Variants in CCDC171 observed in about 807,000 individuals in gnomAD.
CCDC171 encodes the protein coiled-coil domain containing 171, also known as coiled-coil domain-containing protein 171.
A neutral mutation model predicts 168.2 loss-of-function variants in CCDC171; 177 were observed. The ratio of observed to expected loss-of-function variants is 1.05; its 90% CI spans 0.93 to 1.19. The LOEUF (loss-of-function observed/expected upper bound fraction) is 1.19. CCDC171 is among the 50% of genes most tolerant of loss of function. The pLI is 0.00. For synonymous variants in CCDC171, 687 were observed against 540.8 expected (o/e 1.27, Z -3.75); for missense variants, 1,991 against 1,539.0 (o/e 1.29, Z -4.91).
At chr9:16,054,930 C>T (rs1833812364) in intron 1 of CCDC171, among the ~76,000 whole-genome samples, 1 of 152,156 alleles carries the variant, frequency 6.6e-6, no homozygotes, top group Admixed American at 6.5e-5. Flanking sequence ...GTGGAACTAC[C>T]TTGGTGAGAA....
At chr9:15,712,164 A>G (rs1206442979) in intron 11 of CCDC171, among the ~76,000 whole-genome samples, 1 of 152,200 alleles carries the variant, frequency 6.6e-6, no homozygotes, top group Non-Finnish European at 1.5e-5. Context: ...CCTTCAACAG[A>G]TTGGATGAAG....
rs779921721 is a variant in CCDC171 at position 15,784,512 on chromosome 9, T to C, written c.3085T>C (p.Leu1029=). The C allele has an allele frequency of 1.2e-6, 2 of 1,607,770 alleles. No individual in the cohort carries two copies. The highest frequency in any genetic ancestry group is 1.7e-6 in the Non-Finnish European group (2 of 1,175,940). The change falls in exon 21 of 26, where the codon TTG becomes CTG. Residue 1029 remains leucine, a synonymous_variant. Transcript: ENST00000380701. ...TCCCCTCTCCTCCTTTTTACAGAAA[T>C]TGATCACCCATGAGAAGTTTGAAAG... The part of the protein sequence containing the change: ...MQLNEFKQSK[L]ITHEKFESAC...
chr9:15,555,856 C>T (rs1248291693), intron 1 of CCDC171, among the ~76,000 whole-genome samples: 1 of 152,044 alleles, frequency 6.6e-6, no homozygotes, highest in Non-Finnish European at 1.5e-5. Context: ...CTGCCAGGCC[C>T]CGGTGTGTGA....
chr9:15,678,829 T>C lies in CCDC171; in HGVS notation c.1148T>C (p.Ile383Thr). The C allele has an allele frequency of 1.9e-6, 3 of 1,597,048 alleles. No homozygotes were observed. Among genetic ancestry groups the C allele is most frequent in the Non-Finnish European group, 2.6e-6 (3 of 1,171,338 alleles). ...EDIEEQKKVI[I>T]DLSKRLQYNE... ...ATCGAGGAACAGAAGAAAGTAATTA[T>C]AGACCTTTCAAAGAGACTCCAGTAT... is the stretch of plus-strand genomic sequence containing the variant. Residue 383 changes from isoleucine to threonine, a missense_variant, in exon 10 of 26, where the codon ATA becomes ACA. Coordinates refer to ENST00000380701, the MANE Select transcript of CCDC171 (RefSeq NM_173550.4).
Position 15,784,633 on chromosome 9 carries a change from A to G in CCDC171, c.3206A>G (p.Lys1069Arg), listed in dbSNP as rs1539172. 793,092 of 1,610,944 alleles carry G rather than the reference A, an allele frequency of 0.49. 197,617 individuals are homozygous for G. The highest frequency in any genetic ancestry group is 0.56 in the South Asian group (50,869 of 90,942). Residue 1069 changes from lysine to arginine, a missense_variant, in exon 21 of 26, where the codon AAA becomes AGA. By Grantham distance (26) the Lys-to-Arg change is conservative. Coordinates refer to ENST00000380701, the MANE Select transcript of CCDC171 (RefSeq NM_173550.4). ...CAACAACTACAGGAATTGAATTATA[A>G]ACTTGAATTGCACTCCAGTGAGGAA... ...QAQQLQELNY[K>R]LELHSSEEAD...
chr9:15,606,673 ATGT>A (rs1435647848), intron 6 of CCDC171, among the ~76,000 whole-genome samples: 3 of 152,214 alleles, frequency 2.0e-5, no homozygotes, highest in East Asian at 3.8e-4. Context: ...ATTCTGAGAA[ATGT>A]TGTTTATATG....
chr9:16,029,513 G>C (rs1564127247), intron 6 of CCDC171, among the ~76,000 whole-genome samples: 1 of 152,220 alleles, frequency 6.6e-6, no homozygotes, highest in Non-Finnish European at 1.5e-5. Context: ...TGATTAGGAT[G>C]GTCTGCTAAG....
At chr9:16,103,857 G>A in the CCDC171 span, among the ~76,000 whole-genome samples, 1 of 152,286 alleles carries the variant, frequency 6.6e-6, no homozygotes, top group South Asian at 2.1e-4. Flanking sequence ...GAGAGTCAGA[G>A]AAATTTGGGG....
At chr9:15,890,230 T>C (rs1207994286) in intron 24 of CCDC171, among the ~76,000 whole-genome samples, 2 of 151,936 alleles carry the variant, frequency 1.3e-5, no homozygotes, top group Non-Finnish European at 2.9e-5. Flanking sequence ...TGATATGAAA[T>C]GAAAGACATG....
At chr9:15,807,934 C>A (rs2059154011) in intron 21 of CCDC171, among the ~76,000 whole-genome samples, 2 of 151,500 alleles carry the variant, frequency 1.3e-5, no homozygotes, top group Non-Finnish European at 2.9e-5. Context: ...ATTTCTTTCT[C>A]TTATTAGGTT....
At chr9:15,639,159 A>G (rs778019611) in intron 7 of CCDC171, among the ~76,000 whole-genome samples, 64 of 152,058 alleles carry the variant, frequency 4.2e-4, no homozygotes, top group African/African-American at 1.4e-3. Flanking sequence ...GTTGATAAAG[A>G]CCACCTTGTA....
intron 9 of CCDC171, among the ~76,000 whole-genome samples, chr9:15,677,985 C>G (rs536081523): frequency 1.4e-5 from 2 of 139,072 alleles, no homozygotes; most frequent in East Asian, 4.5e-4. Flanking sequence ...TCATAGCTCA[C>G]TGCAACCTTG....
chr9:15,740,714 A>G (rs1386544918), intron 16 of CCDC171, among the ~76,000 whole-genome samples: 1 of 152,204 alleles, frequency 6.6e-6, no homozygotes, highest in Non-Finnish European at 1.5e-5. Flanking sequence ...TGCTGGGATT[A>G]CAGGCATGAG....
At chr9:15,774,866 A>G (rs568011482) in intron 18 of CCDC171, among the ~76,000 whole-genome samples, 3 of 152,364 alleles carry the variant, frequency 2.0e-5, no homozygotes, top group African/African-American at 7.2e-5. Flanking sequence ...GGAAAACCAA[A>G]CATGGTATGT....
At chr9:15,857,055 TTA>T (rs1328990472) in intron 23 of CCDC171, among the ~76,000 whole-genome samples, 1 of 151,938 alleles carries the variant, frequency 6.6e-6, no homozygotes, top group East Asian at 1.9e-4. Flanking sequence ...TAAAATGAGG[TTA>T]TTAGTTTCTT....
intron 8 of CCDC171, among the ~76,000 whole-genome samples, chr9:16,036,500 T>A (rs1278648191): frequency 2.6e-5 from 4 of 152,078 alleles, no homozygotes; most frequent in Non-Finnish European, 5.9e-5. Flanking sequence ...AAAAATTAGC[T>A]GGGCGTGGTG....
chr9:15,745,624 T>G lies in CCDC171; in HGVS notation c.2664T>G (p.Gly888=). 1 of 1,564,862 alleles carries G rather than the reference T, an allele frequency of 6.4e-7. No homozygotes were observed. The highest frequency in any genetic ancestry group is 8.6e-7 in the Non-Finnish European group (1 of 1,159,328). The change falls in exon 18 of 26, where the codon GGT becomes GGG. Residue 888 remains glycine (G), a synonymous_variant. Transcript: ENST00000380701. Reference sequence around the variant, plus strand: ...TGGCTGAATTACAAGACGTCATTGGTAAAGCAGGTATGGTTCCTTCTTTTA... The same window carrying G: ...TGGCTGAATTACAAGACGTCATTGGGAAAGCAGGTATGGTTCCTTCTTTTA... ...SSMAELQDVI[G]KADPNSRICG...
intron 21 of CCDC171, among the ~76,000 whole-genome samples, chr9:15,809,286 A>T (rs373696376): frequency 2.7e-4 from 41 of 152,322 alleles, no homozygotes; most frequent in African/African-American, 8.9e-4. Context: ...TGTCTAGAGC[A>T]GCACTGTCCA....
intron 25 of CCDC171, among the ~76,000 whole-genome samples, chr9:15,951,010 A>G (rs1477481292): frequency 6.6e-6 from 1 of 150,704 alleles, no homozygotes; most frequent in African/African-American, 2.4e-5. Context: ...ACCAACAAAG[A>G]TCAAAAGAGA....
Sources: allele counts gnomAD v4.1 joint callset (sites outside exome capture counted in the v4.1 genomes callset), GRCh38; gene constraint gnomAD v4.1.1; transcripts MANE v1.5; gene names NCBI Gene and HGNC (gene_info 2026-07-23, HGNC 2026-07-21).